Variants in DLG2 observed in about 807,000 individuals in gnomAD.
DLG2 encodes the protein discs large MAGUK scaffold protein 2, also known as disks large homolog 2.
Under a neutral mutation model 132.5 loss-of-function variants are expected in DLG2, and 45 were observed. That is an observed-to-expected ratio of 0.34 (90% CI 0.27 to 0.44). The LOEUF (loss-of-function observed/expected upper bound fraction) is 0.44. DLG2 is among the 20% of genes least tolerant of loss of function. DLG2 has a pLI of 1.00. For synonymous variants in DLG2, 424 were observed against 419.6 expected, an observed-to-expected ratio of 1.01 and a Z score of -0.13; for missense variants, 1,045 against 1,196.9, an observed-to-expected ratio of 0.87 and a Z score of 1.87.
intron 19 of DLG2, among the ~76,000 whole-genome samples, chr11:83,611,959 G>C (rs2060179727): frequency 6.6e-6 from 1 of 152,208 alleles, no homozygotes; most frequent in South Asian, 2.1e-4. Context: ...ATTTGAAGTA[G>C]CACACAGGTA....
intron 8 of DLG2, among the ~76,000 whole-genome samples, chr11:84,177,386 T>C (rs552572966): frequency 1.3e-5 from 2 of 152,278 alleles, no homozygotes; most frequent in South Asian, 4.1e-4. Flanking sequence ...TGTTTCTCTG[T>C]GTTTACAGAC....
chr11:83,635,473 A>G (rs1450644255), intron 18 of DLG2, among the ~76,000 whole-genome samples: 5 of 152,128 alleles, frequency 3.3e-5, no homozygotes, highest in Middle Eastern at 3.2e-3. Flanking sequence ...CAGGATAAAA[A>G]TTGAGAGGCT....
intron 10 of DLG2, among the ~76,000 whole-genome samples, chr11:84,060,331 A>G (rs1346547701): frequency 6.6e-6 from 1 of 152,064 alleles, no homozygotes; most frequent in Non-Finnish European, 1.5e-5. Flanking sequence ...AAATAATAAT[A>G]ATAATAAATT....
chr11:83,898,191 T>C (rs1193705589), intron 15 of DLG2, among the ~76,000 whole-genome samples: 1 of 152,124 alleles, frequency 6.6e-6, no homozygotes, highest in Non-Finnish European at 1.5e-5. Context: ...TCATAAATTA[T>C]AAACTAAACA....
At chr11:85,087,121 T>C (rs2068036430) in intron 6 of DLG2, among the ~76,000 whole-genome samples, 1 of 152,192 alleles carries the variant, frequency 6.6e-6, no homozygotes, top group Non-Finnish European at 1.5e-5. Context: ...GCCTCAGGCA[T>C]TATGCTAGGT....
rs138350296 is a variant in DLG2, at chr11:84,667,525, C to G, written c.358-132794G>C. ...TTTTTTTTTTTTTTTGAGTCATAGT[C>G]CTGCTCTGTAGCCCAGGCTGGAGTA... On this transcript the variant is annotated intron_variant, in intron 6 of 27. Coordinates refer to ENST00000376104, the MANE Select transcript of DLG2 (RefSeq NM_001142699.3). Among the ~76,000 whole-genome samples, 310 of 111,642 alleles carry G rather than the reference C, an allele frequency of 2.8e-3. 1 individual carries two copies. Among genetic ancestry groups the G allele is most frequent in the African/African-American group, 0.01 (304 of 29,420 alleles). 73.2% of individuals were successfully genotyped at this position (111,642 alleles called of 152,430 possible). A position where few individuals can be genotyped will look rare whatever the true frequency, so the allele number is the denominator to read the frequency against.
chr11:84,532,979 C>A (rs1007799071), intron 7 of DLG2, among the ~76,000 whole-genome samples: 1 of 152,158 alleles, frequency 6.6e-6, no homozygotes, highest in Non-Finnish European at 1.5e-5. Context: ...TAGGAATCAG[C>A]AAGATTCTAT....
chr11:84,764,663 G>C (rs1039037863), intron 6 of DLG2, among the ~76,000 whole-genome samples: 2 of 151,988 alleles, frequency 1.3e-5, no homozygotes, highest in African/African-American at 4.8e-5. Context: ...AAATAGAAGA[G>C]CATATATATG....
intron 7 of DLG2, among the ~76,000 whole-genome samples, chr11:84,274,323 T>A (rs2097765125): frequency 1.3e-5 from 2 of 152,144 alleles, no homozygotes; most frequent in African/African-American, 4.8e-5. Flanking sequence ...ATCCGTACTC[T>A]AAGGGCTGGT....
At chr11:83,562,172 C>T (rs1347400981) in intron 19 of DLG2, among the ~76,000 whole-genome samples, 1 of 152,008 alleles carries the variant, frequency 6.6e-6, no homozygotes, top group Non-Finnish European at 1.5e-5. Flanking sequence ...CATGCGTGAG[C>T]CACCGTGCCT....
chr11:84,669,564 T>G (rs1056658295), intron 6 of DLG2, among the ~76,000 whole-genome samples: 1 of 152,190 alleles, frequency 6.6e-6, no homozygotes, highest in Non-Finnish European at 1.5e-5. Context: ...ATCTATGGTG[T>G]AAGATATTAG....
intron 6 of DLG2, among the ~76,000 whole-genome samples, chr11:84,939,849 A>T (rs1468957535): frequency 6.6e-6 from 1 of 152,210 alleles, no homozygotes; most frequent in Non-Finnish European, 1.5e-5. Context: ...AGTTGCTTCC[A>T]AATCTTGGCT....
At chr11:84,085,886 T>C (rs1266793785) in intron 10 of DLG2, among the ~76,000 whole-genome samples, 1 of 152,190 alleles carries the variant, frequency 6.6e-6, no homozygotes, top group Non-Finnish European at 1.5e-5. Context: ...ATTTGGAAAA[T>C]TGGACCTTAT....
rs775072533 is a variant in DLG2 at position 85,154,591 on chromosome 11, G to C, written c.247C>G (p.Gln83Glu). Residue 83 changes from glutamine (Q) to glutamate (E), a missense_variant, in exon 5 of 28, where the codon CAG (glutamine) becomes GAG (glutamate). Gln to Glu is a conservative substitution (Grantham distance 29). This residue lies in a region of DLG2 where 277 missense variants were observed against 238.2 expected (regional missense o/e 1.16). Coordinates refer to ENST00000376104, the MANE Select transcript of DLG2 (RefSeq NM_001142699.3). Reference sequence around the variant, plus strand: ...TCATCAGTTTCATTTTCAAAACTCTGATTTTCTTTATTTTGCTCAATACAT... The same window carrying C: ...TCATCAGTTTCATTTTCAAAACTCTCATTTTCTTTATTTTGCTCAATACAT... ...ASCIEQNKENQSFENETDETT... is the reference protein window; with the variant it reads ...ASCIEQNKENESFENETDETT... 1 of 1,536,342 alleles carries C rather than the reference G, an allele frequency of 6.5e-7. No homozygotes were observed. Among genetic ancestry groups the C allele is most frequent in the South Asian group, 1.2e-5 (1 of 83,148 alleles).
At chr11:83,502,381 A>C (rs2094483765) in intron 21 of DLG2, among the ~76,000 whole-genome samples, 1 of 152,180 alleles carries the variant, frequency 6.6e-6, no homozygotes, top group South Asian at 2.1e-4. Context: ...CTCTGCTCTC[A>C]GTGGATAGCC....
At chr11:83,581,948 CTTTTTTTT>C (rs71849863) in intron 19 of DLG2, among the ~76,000 whole-genome samples, 4 of 52,630 alleles carry the variant, frequency 7.6e-5, no homozygotes, top group Non-Finnish European at 9.4e-5. Context: ...AGTTTGGACT[CTTTTTTTT>C]TTTTTTTTTT....
intron 6 of DLG2, among the ~76,000 whole-genome samples, chr11:85,049,474 A>G (rs1412374015): frequency 6.6e-6 from 1 of 152,026 alleles, no homozygotes; most frequent in Non-Finnish European, 1.5e-5. Flanking sequence ...AACATTATTG[A>G]CATTTTATTT....
chr11:84,347,449 T>C (rs1251681752), intron 7 of DLG2, among the ~76,000 whole-genome samples: 1 of 152,206 alleles, frequency 6.6e-6, no homozygotes, highest in Non-Finnish European at 1.5e-5. Flanking sequence ...GGAAATGAAA[T>C]CAATCTCAAC....
intron 7 of DLG2, among the ~76,000 whole-genome samples, chr11:84,495,813 T>C (rs2099181340): frequency 1.3e-5 from 2 of 152,286 alleles, no homozygotes; most frequent in East Asian, 1.9e-4. Flanking sequence ...CTGAAGCAAA[T>C]GTGGTACACA....
Sources: gnomAD v4.1 joint callset for allele counts (sites outside exome capture counted in the v4.1 genomes callset) on GRCh38, gnomAD v4.1.1 for gene constraint, gnomAD v4.1.1 regional missense constraint, MANE v1.5 for transcripts, NCBI Gene and HGNC (gene_info 2026-07-23, HGNC 2026-07-21) for gene names.